Variants in SIGLEC9 observed in about 807,000 individuals in gnomAD.
The protein encoded by SIGLEC9 is sialic acid binding Ig like lectin 9.
In SIGLEC9, 26 loss-of-function variants were observed where a neutral mutation model predicts 38.3. The ratio of observed to expected loss-of-function variants is 0.68; its 90% CI spans 0.50 to 0.94. SIGLEC9 has a LOEUF of 0.94. SIGLEC9 is among the 40% of genes least tolerant of loss of function. The pLI, the probability that SIGLEC9 is intolerant of heterozygous loss-of-function variation, is 0.00. For synonymous variants in SIGLEC9, 236 were observed against 248.0 expected (o/e 0.95, Z 0.45); for missense variants, 556 against 585.7 (o/e 0.95, Z 0.52).
At chr19:51,132,339 T>C (rs745599062), downstream of SIGLEC9, among the ~76,000 whole-genome samples, 4 of 152,104 alleles carry the variant, frequency 2.6e-5, no homozygotes, top group Non-Finnish European at 5.9e-5. Flanking sequence ...CACGGCAACA[T>C]ATTCAAGCTT....
downstream of SIGLEC9, among the ~76,000 whole-genome samples, chr19:51,133,560 C>T (rs146322695): frequency 1.6e-3 from 241 of 151,958 alleles, 1 homozygote; most frequent in African/African-American, 5.6e-3. Context: ...TCCAGCCTGG[C>T]GACAGAGTGA....
upstream of SIGLEC9, among the ~76,000 whole-genome samples, chr19:51,123,744 T>A (rs2091957611): frequency 6.6e-6 from 1 of 152,174 alleles, no homozygotes. Flanking sequence ...AGATTTTTTC[T>A]TGGGGGGAAG....
At chr19:51,125,441 G>A in intron 1 of SIGLEC9, 46 bp downstream of exon 1, 1 of 1,554,202 alleles carries the variant, frequency 6.4e-7, no homozygotes, top group Non-Finnish European at 8.7e-7. Flanking sequence ...GGTCATGGGG[G>A]CGGCAGGGAA....
chr19:51,130,091 G>C lies in SIGLEC9; in HGVS notation c.*12G>C. On this transcript the variant is annotated 3_prime_UTR_variant, in exon 7 of 7. Transcript: ENST00000250360. ...AGATCCACAGATGAGAAACTGCAGAGACTCACCCTGATTGAGGGATCACAG... is the reference window on the plus strand; with the variant it reads ...AGATCCACAGATGAGAAACTGCAGACACTCACCCTGATTGAGGGATCACAG... The C allele has an allele frequency of 6.3e-7, 1 of 1,595,684 alleles. No individual in the cohort carries two copies.
chr19:51,130,181 A>T lies in SIGLEC9; in HGVS notation c.*102A>T. ...AGAATTAACAGCCCTCAACGTGATGAGCTATGATAACACTATGAATTATGT... is the reference window on the plus strand; with the variant it reads ...AGAATTAACAGCCCTCAACGTGATGTGCTATGATAACACTATGAATTATGT... On this transcript the variant is annotated 3_prime_UTR_variant, in exon 7 of 7. Coordinates refer to ENST00000250360, the MANE Select transcript of SIGLEC9 (RefSeq NM_014441.3). The T allele has an allele frequency of 2.0e-6, 3 of 1,478,780 alleles. No homozygotes were observed. Among genetic ancestry groups the T allele is most frequent in the Non-Finnish European group, 2.7e-6 (3 of 1,117,358 alleles). The allele number at this position is 1,478,780 out of a possible 1,614,324, so 91.6% of individuals were successfully genotyped here.
chr19:51,134,142 CTTTTCTTTTT>C (rs2092030863), downstream of SIGLEC9, among the ~76,000 whole-genome samples: 1 of 50,512 alleles, frequency 2.0e-5, no homozygotes, highest in Non-Finnish European at 5.0e-5. Flanking sequence ...TTATTTCTTT[CTTTTCTTTTT>C]TTTTTTTTTT....
rs778096923 is a variant in SIGLEC9 at position 51,125,155 on chromosome 19, T to A, written c.181T>A (p.Trp61Arg). The A allele has an allele frequency of 1.2e-6, 2 of 1,613,922 alleles. No homozygotes were observed. The highest frequency in any genetic ancestry group is 1.7e-6 in the Non-Finnish European group (2 of 1,180,020). The change falls in exon 1 of 7, where the codon TGG (tryptophan) becomes AGG (arginine). Residue 61 changes from tryptophan (W) to arginine (R), a missense_variant. Physicochemically the swap from Trp to Arg is moderately radical, Grantham distance 101. Transcript: ENST00000250360. ...CCCTGGCCCAGTAGTTCATGGCTAC[T>A]GGTTCCGGGAAGGGGCCAATACAGA... ...IYPGPVVHGY[W>R]FREGANTDQD... is the part of the protein sequence containing the mutation.
chr19:51,123,146 G>C (rs1217824662), upstream of SIGLEC9, among the ~76,000 whole-genome samples: 1 of 152,136 alleles, frequency 6.6e-6, no homozygotes, highest in African/African-American at 2.4e-5. Context: ...CCTGATCAGG[G>C]GGCCATCCTG....
chr19:51,130,164 C>G lies in SIGLEC9; in HGVS notation c.*85C>G. 1 of 1,507,290 alleles carries G rather than the reference C, an allele frequency of 6.6e-7. No homozygotes were observed. The highest frequency in any genetic ancestry group is 8.8e-7 in the Non-Finnish European group (1 of 1,129,972). 93.4% of individuals were successfully genotyped at this position (1,507,290 alleles called of 1,614,324 possible). On this transcript the variant is annotated 3_prime_UTR_variant, in exon 7 of 7. Coordinates refer to ENST00000250360, the MANE Select transcript of SIGLEC9 (RefSeq NM_014441.3). ...CAGAGGCTGATTCTTGTAGAATTAA[C>G]AGCCCTCAACGTGATGAGCTATGAT... is the stretch of plus-strand genomic sequence containing the variant.
upstream of SIGLEC9, among the ~76,000 whole-genome samples, chr19:51,123,975 TCTC>T (rs966173014): frequency 3.9e-5 from 6 of 151,974 alleles, no homozygotes; most frequent in African/African-American, 1.5e-4. Context: ...TCACTCCACA[TCTC>T]CTGTTCACCG....
chr19:51,132,457 C>T (rs2092021411), downstream of SIGLEC9, among the ~76,000 whole-genome samples: 2 of 152,152 alleles, frequency 1.3e-5, no homozygotes, highest in Admixed American at 6.5e-5. Flanking sequence ...GGGCAAGGAA[C>T]GGAATGTGTG....
At chr19:51,134,762 T>C (rs1289911651), downstream of SIGLEC9, among the ~76,000 whole-genome samples, 4 of 152,224 alleles carry the variant, frequency 2.6e-5, no homozygotes, top group Non-Finnish European at 4.4e-5. Context: ...ATTTGTTTTA[T>C]TCTGCTAGCT....
intron 6 of SIGLEC9, 191 bp downstream of exon 6, chr19:51,128,701 A>C: frequency 3.7e-6 from 2 of 544,580 alleles, no homozygotes; most frequent in South Asian, 2.2e-5. Context: ...TCTGCTCCCT[A>C]TCCTGACCCT....
At position 51,129,320 on chromosome 19, in the gene SIGLEC9, A is replaced by G. The variant is rs59276392; in HGVS notation, c.1204-571A>G. 3.7e-3 allele frequency among the ~76,000 whole-genome samples: 534 copies of G among 145,144 alleles called. 9 individuals carry two copies. Among genetic ancestry groups the G allele is most frequent in the African/African-American group, 0.012 (498 of 40,406 alleles). ...ACTACAGGCGCCTGCCACCACGCCC[A>G]GCTAATTTTTTTGTATTTTTAGTAG... On this transcript the variant is annotated intron_variant, in intron 6 of 6. Coordinates refer to ENST00000250360, the MANE Select transcript of SIGLEC9 (RefSeq NM_014441.3).
rs550735903 is a variant in SIGLEC9 at position 51,128,023 on chromosome 19, T to C, written c.1090T>C (p.Cys364Arg). ...CACAGCCCTGGTCTTCCTGTCCTTC[T>C]GCGTCATCTTCGTTGTGTAAGCATG... ...GATALVFLSF[C>R]VIFVVVRSCR... is the part of the protein sequence containing the mutation. The change falls in exon 5 of 7, where the codon TGC becomes CGC. Residue 364 changes from cysteine to arginine, a missense_variant. Physicochemically the swap from Cys to Arg is radical, Grantham distance 180 (BLOSUM62 -3). Coordinates refer to ENST00000250360, the MANE Select transcript of SIGLEC9 (RefSeq NM_014441.3). 1 of 1,613,712 alleles carries C rather than the reference T, an allele frequency of 6.2e-7. No individual in the cohort carries two copies. Among genetic ancestry groups the C allele is most frequent in the Admixed American group, 1.7e-5 (1 of 60,016 alleles).
At chr19:51,120,450 G>A (rs958025957), upstream of SIGLEC9, 3 of 152,234 alleles carry the variant, frequency 2.0e-5, no homozygotes, top group Non-Finnish European at 4.4e-5. The surrounding 1 kb of genome is among the most constrained non-coding windows in gnomAD (Gnocchi z 4.1). Flanking sequence ...CCAGAAACAG[G>A]AATCAGCCCC....
chr19:51,129,283 G>A (rs4374291), intron 6 of SIGLEC9, among the ~76,000 whole-genome samples: 22,687 of 149,360 alleles, frequency 0.15, 2,297 homozygotes, highest in East Asian at 0.52. Flanking sequence ...CTCAGCCTCC[G>A]GAGTAGCTGG....
At chr19:51,125,925 C>A in intron 2 of SIGLEC9, 50 bp downstream of exon 2, 3 of 1,609,728 alleles carry the variant, frequency 1.9e-6, no homozygotes, top group Non-Finnish European at 2.5e-6. Flanking sequence ...GAGCGTCAAG[C>A]CTGGACACTG....
upstream of SIGLEC9, among the ~76,000 whole-genome samples, chr19:51,122,365 G>A (rs1378443266): frequency 1.3e-5 from 2 of 152,056 alleles, no homozygotes; most frequent in East Asian, 3.9e-4. The surrounding 1 kb of genome is among the most constrained non-coding windows in gnomAD (Gnocchi z 4.1). Context: ...GGCAGATCAC[G>A]AGGTCAGGAG....
Sources: allele counts gnomAD v4.1 joint callset (sites outside exome capture counted in the v4.1 genomes callset), GRCh38; gene constraint gnomAD v4.1.1; non-coding constraint Gnocchi (gnomAD v3.1); transcripts MANE v1.5; gene names NCBI Gene and HGNC (gene_info 2026-07-23, HGNC 2026-07-21).